Variants in DPF3 observed in about 807,000 individuals in gnomAD.
DPF3 encodes the protein double PHD fingers 3.
In DPF3, 18 loss-of-function variants were observed where a neutral mutation model predicts 56.8. The ratio of observed to expected loss-of-function variants is 0.32; its 90% CI spans 0.22 to 0.47. DPF3 has a LOEUF of 0.47. Among genes scored for constraint, DPF3 ranks in the 20% least tolerant of loss-of-function variants. The probability of loss-of-function intolerance (pLI) is 1.00; values close to 1 mark genes in which losing one functional copy is unlikely to be tolerated. For missense variants in DPF3, 403 were observed against 488.8 expected, an observed-to-expected ratio of 0.82 and a Z score of 1.65; for synonymous variants, 188 against 180.2, an observed-to-expected ratio of 1.04 and a Z score of -0.35.
intron 8 of DPF3, among the ~76,000 whole-genome samples, chr14:72,651,429 GA>G (rs947768705): frequency 6.6e-5 from 10 of 152,254 alleles, no homozygotes; most frequent in Non-Finnish European, 1.0e-4. Flanking sequence ...TTAGGAGGGA[GA>G]AGTTTCCAAA....
chr14:72,861,737 G>GAGAAAGAAAGAGAAAGAAAGAGAAAGAA (rs1436291759), intron 1 of DPF3, among the ~76,000 whole-genome samples: 4 of 84,534 alleles, frequency 4.7e-5, no homozygotes, highest in Non-Finnish European at 9.5e-5. Context: ...AAGAAAGAAA[G>GAGAAAGAAAGAGAAAGAAAGAGAAAGAA]AGAAAGAAAG....
chr14:72,752,527 G>A (rs4903052), intron 3 of DPF3, among the ~76,000 whole-genome samples: 18,303 of 152,204 alleles, frequency 0.12, 1,430 homozygotes, highest in Middle Eastern at 0.3. Flanking sequence ...GCTGGGAGTG[G>A]TGGTGCACAT....
At chr14:72,841,184 G>A (rs1012123645) in intron 1 of DPF3, among the ~76,000 whole-genome samples, 6 of 152,016 alleles carry the variant, frequency 3.9e-5, no homozygotes, top group Admixed American at 3.9e-4. Flanking sequence ...GGAAGGGAGG[G>A]CAAAACAGAA....
At chr14:72,847,506 AT>A (rs1049876146) in intron 1 of DPF3, among the ~76,000 whole-genome samples, 1 of 149,370 alleles carries the variant, frequency 6.7e-6, no homozygotes, top group Non-Finnish European at 1.5e-5. Flanking sequence ...TCTCCTTTCT[AT>A]TTTTTTTTCA....
At chr14:72,826,433 A>G (rs1458929038) in intron 1 of DPF3, among the ~76,000 whole-genome samples, 4 of 152,188 alleles carry the variant, frequency 2.6e-5, no homozygotes, top group African/African-American at 9.7e-5. Context: ...CAAGGGATCC[A>G]GCCCCTAGAC....
At chr14:72,758,875 T>A (rs1220002716) in intron 2 of DPF3, among the ~76,000 whole-genome samples, 1 of 152,174 alleles carries the variant, frequency 6.6e-6, no homozygotes, top group Non-Finnish European at 1.5e-5. Flanking sequence ...TTTATAGGAA[T>A]AAAATATATC....
chr14:72,639,199 T>A (rs1885472343), intron 8 of DPF3, among the ~76,000 whole-genome samples: 1 of 152,188 alleles, frequency 6.6e-6, no homozygotes, highest in Non-Finnish European at 1.5e-5. Flanking sequence ...AGAAAAATAA[T>A]TCCACTTAAT....
intron 1 of DPF3, among the ~76,000 whole-genome samples, chr14:72,851,696 G>A (rs1285469354): frequency 2.6e-5 from 4 of 152,202 alleles, no homozygotes; most frequent in Admixed American, 1.3e-4. Flanking sequence ...AACTTCCCGA[G>A]GGATGAGTAT....
chr14:72,781,393 T>C (rs1340677068), intron 1 of DPF3, among the ~76,000 whole-genome samples: 2 of 152,180 alleles, frequency 1.3e-5, no homozygotes, highest in Non-Finnish European at 2.9e-5. Flanking sequence ...AGGTATCCCT[T>C]GGGAAAGTTA....
At chr14:72,808,504 C>G (rs1179596016) in intron 1 of DPF3, among the ~76,000 whole-genome samples, 3 of 152,294 alleles carry the variant, frequency 2.0e-5, no homozygotes, top group Admixed American at 6.5e-5. Context: ...TAGTAACTAC[C>G]TCAGCTTGCA....
intron 1 of DPF3, among the ~76,000 whole-genome samples, chr14:72,839,807 C>T (rs72730400): frequency 0.072 from 10,992 of 152,270 alleles, 616 homozygotes; most frequent in South Asian, 0.18. Flanking sequence ...GTAGCAAAAC[C>T]TGCACTGTAG....
At chr14:72,717,338 C>G (rs374485765) in intron 5 of DPF3, among the ~76,000 whole-genome samples, 11 of 152,372 alleles carry the variant, frequency 7.2e-5, no homozygotes, top group African/African-American at 2.6e-4. Context: ...AATGAGCACA[C>G]CAACACCTAT....
At chr14:72,691,830 T>C (rs1887698955) in intron 7 of DPF3, among the ~76,000 whole-genome samples, 1 of 151,976 alleles carries the variant, frequency 6.6e-6, no homozygotes, top group Non-Finnish European at 1.5e-5. Flanking sequence ...AGGCAGCATC[T>C]GCAAGTCAAG....
rs187985682 is a variant in DPF3 at position 72,615,921 on chromosome 14, C to T, written c.*3376G>A. Among the ~76,000 whole-genome samples, 223 of 152,324 alleles carry T rather than the reference C, an allele frequency of 1.5e-3. 2 individuals carry two copies. Among genetic ancestry groups the T allele is most frequent in the Admixed American group, 6.7e-3 (102 of 15,304 alleles). On this transcript the variant is annotated 3_prime_UTR_variant, in exon 11 of 11. Coordinates refer to ENST00000556509, the MANE Select transcript of DPF3 (RefSeq NM_001280542.3). The stretch of plus-strand genomic sequence containing the variant: ...TTCCGGTTGGGTCTGGCAGCCTCAC[C>T]TCTCTGGTTTGCTGGAGCCACAGTA...
chr14:72,647,402 G>A (rs1301174879), intron 8 of DPF3, among the ~76,000 whole-genome samples: 4 of 152,142 alleles, frequency 2.6e-5, no homozygotes, highest in African/African-American at 2.4e-5. Context: ...CTGTCTTCCC[G>A]ATAGCAATTC....
intron 8 of DPF3, among the ~76,000 whole-genome samples, chr14:72,654,734 C>G (rs574744882): frequency 1.3e-5 from 2 of 152,224 alleles, no homozygotes; most frequent in East Asian, 3.9e-4. Context: ...AAAGTAACCC[C>G]CAAAAGGTTA....
chr14:72,771,544 C>G (rs1463294577), intron 2 of DPF3, among the ~76,000 whole-genome samples, 189 bp downstream of exon 2: 5 of 147,536 alleles, frequency 3.4e-5, no homozygotes, highest in Non-Finnish European at 6.0e-5. Context: ...ATCCTTGTCA[C>G]ATTCCTTGAA....
intron 8 of DPF3, among the ~76,000 whole-genome samples, chr14:72,651,332 C>T (rs534672869): frequency 6.6e-6 from 1 of 152,316 alleles, no homozygotes; most frequent in East Asian, 1.9e-4. Context: ...CCCTGCCTTC[C>T]GGAAGGATGA....
At chr14:72,860,014 A>G (rs1035960718) in intron 1 of DPF3, among the ~76,000 whole-genome samples, 1 of 151,978 alleles carries the variant, frequency 6.6e-6, no homozygotes, top group African/African-American at 2.4e-5. Context: ...ATGTAAGTAA[A>G]CATAAGTAAA....
Sources: allele counts gnomAD v4.1 joint callset (sites outside exome capture counted in the v4.1 genomes callset), GRCh38; gene constraint gnomAD v4.1.1; transcripts MANE v1.5; gene names NCBI Gene and HGNC (gene_info 2026-07-23, HGNC 2026-07-21).